Variants in GPSM3 observed in about 807,000 individuals in gnomAD.
The protein encoded by GPSM3 is G protein-signaling modulator 3.
In GPSM3, 16 loss-of-function variants were observed where a neutral mutation model predicts 20.4. The observed-to-expected ratio is 0.78, with a 90% CI of 0.53 to 1.19. The LOEUF (loss-of-function observed/expected upper bound fraction) is 1.19, where lower values mean the gene tolerates loss of function less well. Ranked by LOEUF, GPSM3 falls within the 50% of genes most tolerant of loss-of-function variation. The pLI is 0.00. For synonymous variants in GPSM3, 70 were observed against 79.6 expected (o/e 0.88, Z 0.64); for missense variants, 177 against 204.6 (o/e 0.86, Z 0.82).
chr6:32,191,682 G>A lies in GPSM3; in HGVS notation c.345+27C>T. 2 of 1,558,670 alleles carry A rather than the reference G, an allele frequency of 1.3e-6. No individual in the cohort carries two copies. The highest frequency in any genetic ancestry group is 8.8e-7 in the Non-Finnish European group (1 of 1,142,510). ...AGGGGCCAAGAGACCAGGAGGCCTGGGTTTGCCTCCTGGGGGGATGTCTTA... is the reference window on the plus strand; with the variant it reads ...AGGGGCCAAGAGACCAGGAGGCCTGAGTTTGCCTCCTGGGGGGATGTCTTA... On this transcript the variant is annotated intron_variant, in intron 3 of 3. Transcript: ENST00000375040. The surrounding 1 kb of genome is among the most constrained non-coding windows in gnomAD (Gnocchi z 5.9).
rs754383966 is a variant in GPSM3, at chr6:32,191,515, G to C, written c.346-12C>G. The C allele has an allele frequency of 6.5e-7, 1 of 1,542,594 alleles. No individual in the cohort carries two copies. Among genetic ancestry groups the C allele is most frequent in the East Asian group, 2.3e-5 (1 of 43,646 alleles). ...TCCATCCGCTGGCACTGGAGGAGTGGAGGGAGAGGGAGAGCTTTGGTGAGG... is the reference window on the plus strand; with the variant it reads ...TCCATCCGCTGGCACTGGAGGAGTGCAGGGAGAGGGAGAGCTTTGGTGAGG... On this transcript the variant is annotated splice_polypyrimidine_tract_variant and intron_variant, in intron 3 of 3. Transcript: ENST00000375040. The surrounding 1 kb of genome is among the most constrained non-coding windows in gnomAD (Gnocchi z 5.9).
chr6:32,193,989 T>C (rs1787701681), upstream of GPSM3, among the ~76,000 whole-genome samples: 1 of 152,236 alleles, frequency 6.6e-6, no homozygotes. This position sits in a 1 kb window ranked among gnomAD's most constrained non-coding sequence, Gnocchi z 4.7. Context: ...CTTGCAATCT[T>C]GGGCAGATCT....
Position 32,191,384 on chromosome 6 carries a change from G to A in GPSM3, c.465C>T (p.Pro155=). 1 of 1,585,218 alleles carries A rather than the reference G, an allele frequency of 6.3e-7. No homozygotes were observed. Among genetic ancestry groups the A allele is most frequent in the Non-Finnish European group, 8.5e-7 (1 of 1,170,464 alleles). The change falls in exon 4 of 4, where the codon CCC becomes CCT. Residue 155 remains proline (P), a synonymous_variant. Coordinates refer to ENST00000375040, the MANE Select transcript of GPSM3 (RefSeq NM_001276501.2). This position sits in a 1 kb window ranked among gnomAD's most constrained non-coding sequence, Gnocchi z 5.9. ...GGRMEEQRSR[P]PTHTC is the part of the protein sequence containing the mutation. ...TCAAGTCTCAGCAGGTGTGTGTGGG[G>A]GGCCGGGACCTTTGCTCCTCCATTC...
At position 32,191,958 on chromosome 6, in the gene GPSM3, A is replaced by G; in HGVS notation, c.146-50T>C. ...CAGAGACCCAGAGAGGTTGGCAGAC[A>G]GGAGCCGTGGGGGAGTGTGGACAGG... On this transcript the variant is annotated intron_variant, in intron 2 of 3. Coordinates refer to ENST00000375040, the MANE Select transcript of GPSM3 (RefSeq NM_001276501.2). The surrounding 1 kb of genome is among the most constrained non-coding windows in gnomAD (Gnocchi z 5.9). 2 of 1,559,274 alleles carry G rather than the reference A, an allele frequency of 1.3e-6. No homozygotes were observed. The highest frequency in any genetic ancestry group is 1.8e-6 in the Non-Finnish European group (2 of 1,134,292).
At position 32,191,393 on chromosome 6, in the gene GPSM3, C is replaced by T. The variant is rs1442584207; in HGVS notation, c.456G>A (p.Arg152=). The T allele has an allele frequency of 5.7e-6, 9 of 1,584,812 alleles. No individual in the cohort carries two copies. The highest frequency in any genetic ancestry group is 7.7e-6 in the Non-Finnish European group (9 of 1,169,876). ...VQGGGRMEEQ[R]SRPPTHTC is the part of the protein sequence containing the mutation. ...AGCAGGTGTGTGTGGGGGGCCGGGACCTTTGCTCCTCCATTCGACCCCCAC... is the reference window on the plus strand; with the variant it reads ...AGCAGGTGTGTGTGGGGGGCCGGGATCTTTGCTCCTCCATTCGACCCCCAC... The change falls in exon 4 of 4, where the codon AGG becomes AGA. Residue 152 remains arginine (R), a synonymous_variant. Coordinates refer to ENST00000375040, the MANE Select transcript of GPSM3 (RefSeq NM_001276501.2). This position sits in a 1 kb window ranked among gnomAD's most constrained non-coding sequence, Gnocchi z 5.9.
At chr6:32,193,296 T>TG (rs1241777350), upstream of GPSM3, among the ~76,000 whole-genome samples, 1 of 152,068 alleles carries the variant, frequency 6.6e-6, no homozygotes, top group African/African-American at 2.4e-5. The surrounding 1 kb of genome is among the most constrained non-coding windows in gnomAD (Gnocchi z 4.7). Flanking sequence ...GCTCAGGAGT[T>TG]GGAGACCAGC....
In GPSM3 at chr6:32,191,716, CTG is replaced by C. The variant is rs1041971758; in HGVS notation, c.336_337del (p.His114ProfsTer102). 16 of 1,604,342 alleles carry C rather than the reference CTG, an allele frequency of 1.0e-5. No homozygotes were observed. Among genetic ancestry groups the C allele is most frequent in the Non-Finnish European group, 1.4e-5 (16 of 1,173,956 alleles). ...CCTGGGGGGATGTCTTACCTGGTGACTGAGGATAGTGCTGTAAAGCTGTTCTC... is the reference window on the plus strand; with the variant it reads ...CCTGGGGGGATGTCTTACCTGGTGACAGGATAGTGCTGTAAAGCTGTTCTC... On this transcript the variant is annotated frameshift_variant, in exon 3 of 4. Coordinates refer to ENST00000375040, the MANE Select transcript of GPSM3 (RefSeq NM_001276501.2). LOFTEE classifies it high-confidence loss of function. This position sits in a 1 kb window ranked among gnomAD's most constrained non-coding sequence, Gnocchi z 5.9.
upstream of GPSM3, among the ~76,000 whole-genome samples, chr6:32,193,363 G>A (rs142115692): frequency 1.3e-3 from 205 of 152,200 alleles, 1 homozygote; most frequent in African/African-American, 4.6e-3. This position sits in a 1 kb window ranked among gnomAD's most constrained non-coding sequence, Gnocchi z 4.7. Flanking sequence ...AGCTGGGCGT[G>A]GCCACATGCG....
upstream of GPSM3, chr6:32,195,312 T>C: frequency 4.4e-6 from 4 of 903,898 alleles, no homozygotes; most frequent in Admixed American, 2.9e-5. This position sits in a 1 kb window ranked among gnomAD's most constrained non-coding sequence, Gnocchi z 5.4. Context: ...CATACATTCA[T>C]TTTAGGAGAG....
At position 32,192,241 on chromosome 6, in the gene GPSM3, G is replaced by A. The variant is rs753589637; in HGVS notation, c.52C>T (p.Gln18Ter). The change falls in exon 2 of 4, where the codon CAG becomes TAG. Residue 18 changes from glutamine to a stop codon, truncating the protein, a stop_gained. Transcript: ENST00000375040. LOFTEE classifies it high-confidence loss of function. This position sits in a 1 kb window ranked among gnomAD's most constrained non-coding sequence, Gnocchi z 5.1. ...GGAGGGGGCCAGCCTTCCTCATCCT[G>A]AGGGGGGCCCTGATGCCAAAATATG... Reference protein sequence around the residue: ...EEEDGEQGPPQDEEGWPPPNS... With the variant: ...EEEDGEQGPP 6.6e-7 allele frequency: 1 copy of A among 1,521,266 alleles called. No individual in the cohort carries two copies. The highest frequency in any genetic ancestry group is 2.2e-5 in the Admixed American group (1 of 45,798). The allele number at this position is 1,521,266 out of a possible 1,614,324, so 94.2% of individuals were successfully genotyped here. A position where few individuals can be genotyped will look rare whatever the true frequency, so the allele number is the denominator to read the frequency against.
Position 32,191,620 on chromosome 6 carries a change from G to T in GPSM3, c.345+89C>A. 6.8e-7 allele frequency: 1 copy of T among 1,474,010 alleles called. No individual in the cohort carries two copies. Among genetic ancestry groups the T allele is most frequent in the Non-Finnish European group, 9.2e-7 (1 of 1,091,670 alleles). 91.3% of individuals were successfully genotyped at this position (1,474,010 alleles called of 1,614,324 possible). A position where few individuals can be genotyped will look rare whatever the true frequency, so the allele number is the denominator to read the frequency against. ...AGGAAACCTGTGAAGGCGATGGGGT[G>T]CCTAGGGAGAAACAGGAGTAGAGCC... On this transcript the variant is annotated intron_variant, in intron 3 of 3. Transcript: ENST00000375040. The surrounding 1 kb of genome is among the most constrained non-coding windows in gnomAD (Gnocchi z 5.9).
In GPSM3 at chr6:32,192,478, A is replaced by G; in HGVS notation, c.36T>C (p.Gly12=). 1.3e-6 allele frequency: 2 copies of G among 1,590,780 alleles called. No individual in the cohort carries two copies. The highest frequency in any genetic ancestry group is 1.7e-6 in the Non-Finnish European group (2 of 1,167,868). ...EAERPQEEED[G]EQGPPQDEEG... ...AACCCCGTGCCCAGCTCACCTGCTC[A>G]CCATCCTCTTCTTCCTGGGGTCTCT... The change falls in exon 1 of 4, where the codon GGT becomes GGC. Residue 12 remains glycine, a synonymous_variant. Transcript: ENST00000375040. The surrounding 1 kb of genome is among the most constrained non-coding windows in gnomAD (Gnocchi z 5.1).
In GPSM3 at chr6:32,191,974, T is replaced by G; in HGVS notation, c.146-66A>C. ...TTGGCAGACAGGAGCCGTGGGGGAG[T>G]GTGGACAGGGTGACGTGATTAGGGA... On this transcript the variant is annotated intron_variant, in intron 2 of 3. Transcript: ENST00000375040. The surrounding 1 kb of genome is among the most constrained non-coding windows in gnomAD (Gnocchi z 5.9). The G allele has an allele frequency of 6.8e-7, 1 of 1,471,512 alleles. No individual in the cohort carries two copies. The highest frequency in any genetic ancestry group is 9.4e-7 in the Non-Finnish European group (1 of 1,060,202). 91.2% of individuals were successfully genotyped at this position (1,471,512 alleles called of 1,614,324 possible).
Position 32,191,997 on chromosome 6 carries a change from G to C in GPSM3, c.146-89C>G, listed in dbSNP as rs1340617571. 2.2e-6 allele frequency: 3 copies of C among 1,371,302 alleles called. No individual in the cohort carries two copies. The Admixed American group carries it at 5.5e-5, about 25-fold the overall frequency. The allele number at this position is 1,371,302 out of a possible 1,614,324, so 84.9% of individuals were successfully genotyped here. ...AGTGTGGACAGGGTGACGTGATTAGGGACTTTGGATCAGAGGAGAGGGGGT... is the reference window on the plus strand; with the variant it reads ...AGTGTGGACAGGGTGACGTGATTAGCGACTTTGGATCAGAGGAGAGGGGGT... On this transcript the variant is annotated intron_variant, in intron 2 of 3. Coordinates refer to ENST00000375040, the MANE Select transcript of GPSM3 (RefSeq NM_001276501.2). This position sits in a 1 kb window ranked among gnomAD's most constrained non-coding sequence, Gnocchi z 5.9.
chr6:32,192,591 G>T lies in GPSM3; in HGVS notation c.-78C>A. 3.4e-6 allele frequency: 3 copies of T among 890,516 alleles called. No homozygotes were observed. The highest frequency in any genetic ancestry group is 2.9e-5 in the South Asian group (2 of 68,258). 55.2% of individuals were successfully genotyped at this position (890,516 alleles called of 1,614,324 possible). Reference sequence around the variant, plus strand: ...GGCTGGAACCTTGGGTTCCTGAGGGGAGTGGGGGCTGGAAGGGGTGGGGGT... The same window carrying T: ...GGCTGGAACCTTGGGTTCCTGAGGGTAGTGGGGGCTGGAAGGGGTGGGGGT... On this transcript the variant is annotated 5_prime_UTR_variant, in exon 1 of 4. Coordinates refer to ENST00000375040, the MANE Select transcript of GPSM3 (RefSeq NM_001276501.2). The surrounding 1 kb of genome is among the most constrained non-coding windows in gnomAD (Gnocchi z 5.1).
At chr6:32,193,753 C>A (rs1182507804), upstream of GPSM3, among the ~76,000 whole-genome samples, 1 of 152,082 alleles carries the variant, frequency 6.6e-6, no homozygotes, top group Non-Finnish European at 1.5e-5. The surrounding 1 kb of genome is among the most constrained non-coding windows in gnomAD (Gnocchi z 4.7). Flanking sequence ...CAGAGCAATA[C>A]CCTGTTTCAG....
At position 32,191,830 on chromosome 6, in the gene GPSM3, C is replaced by T. The variant is rs746647773; in HGVS notation, c.224G>A (p.Arg75His). ...LLDLVAEAQS[R>H]RLEEQRATFY... ...GGTGGCCCTCTGCTCCTCCAGGCGG[C>T]GGGACTGGGCTTCAGCCACCAGGTC... Residue 75 changes from arginine (R) to histidine (H), a missense_variant, in exon 3 of 4, where the codon CGC becomes CAC. Transcript: ENST00000375040. The surrounding 1 kb of genome is among the most constrained non-coding windows in gnomAD (Gnocchi z 5.9). 2.9e-5 allele frequency: 47 copies of T among 1,612,118 alleles called. 1 individual carries two copies. The African/African-American group carries it at 3.3e-4, about 11-fold the overall frequency.
In GPSM3 at chr6:32,192,369, G is replaced by T; in HGVS notation, c.42+103C>A. On this transcript the variant is annotated intron_variant, in intron 1 of 3. Coordinates refer to ENST00000375040, the MANE Select transcript of GPSM3 (RefSeq NM_001276501.2). The surrounding 1 kb of genome is among the most constrained non-coding windows in gnomAD (Gnocchi z 5.1). ...TGTGTCTCTGTTCCTGCCTCAGTTT[G>T]CCCAAGCCTTTCAAGGCCCCTGTGT... is the stretch of plus-strand genomic sequence containing the variant. The T allele has an allele frequency of 7.1e-7, 1 of 1,409,712 alleles. No individual in the cohort carries two copies. The highest frequency in any genetic ancestry group is 9.7e-7 in the Non-Finnish European group (1 of 1,026,238). 87.3% of individuals were successfully genotyped at this position (1,409,712 alleles called of 1,614,324 possible).
Position 32,192,202 on chromosome 6 carries a change from G to C in GPSM3, c.91C>G (p.Arg31Gly), listed in dbSNP as rs761342418. The change falls in exon 2 of 4, where the codon CGG (arginine) becomes GGG (glycine). Residue 31 changes from arginine to glycine, a missense_variant. Transcript: ENST00000375040. The surrounding 1 kb of genome is among the most constrained non-coding windows in gnomAD (Gnocchi z 5.1). The part of the protein sequence containing the change: ...EGWPPPNSTT[R>G]PWRSAPPSPP... The stretch of plus-strand genomic sequence containing the variant: ...GATGGAGGAGCAGATCGCCAAGGCC[G>C]AGTGGTGGAGTTTGGAGGGGGCCAG... 6.6e-7 allele frequency: 1 copy of C among 1,512,230 alleles called. No individual in the cohort carries two copies. Among genetic ancestry groups the C allele is most frequent in the South Asian group, 1.3e-5 (1 of 74,592 alleles). The allele number at this position is 1,512,230 out of a possible 1,614,324, so 93.7% of individuals were successfully genotyped here. A position where few individuals can be genotyped will look rare whatever the true frequency, so the allele number is the denominator to read the frequency against.
Sources: gnomAD v4.1 joint callset for allele counts (sites outside exome capture counted in the v4.1 genomes callset) on GRCh38, gnomAD v4.1.1 for gene constraint, Gnocchi (gnomAD v3.1) non-coding constraint, MANE v1.5 for transcripts, NCBI Gene and HGNC (gene_info 2026-07-23, HGNC 2026-07-21) for gene names.